Variants in CXorf58 observed in about 807,000 individuals in gnomAD.
CXorf58 encodes chromosome X open reading frame 58.
A neutral mutation model predicts 26.0 loss-of-function variants in CXorf58; 24 were observed. That is an observed-to-expected ratio of 0.92 (90% CI 0.67 to 1.30). The LOEUF (loss-of-function observed/expected upper bound fraction) is 1.30, where lower values mean the gene tolerates loss of function less well. Ranked by LOEUF, CXorf58 falls within the 50% of genes most tolerant of loss-of-function variation. The pLI is 0.00. For synonymous variants in CXorf58, 87 were observed against 86.1 expected (o/e 1.01, Z -0.06); for missense variants, 236 against 263.9 (o/e 0.89, Z 0.73).
intron 5 of CXorf58, among the ~76,000 whole-genome samples, chrX:23,923,292 C>A (rs1320683404): frequency 9.0e-6 from 1 of 110,770 alleles, no homozygotes; most frequent in Non-Finnish European, 1.9e-5. Flanking sequence ...ATGAGGCACA[C>A]AACTGAGGCA....
intron 5 of CXorf58, among the ~76,000 whole-genome samples, chrX:23,922,112 C>T (rs898223417): frequency 2.7e-5 from 3 of 110,935 alleles, no homozygotes; most frequent in Non-Finnish European, 5.7e-5. Flanking sequence ...CTGTGGCTCA[C>T]GCTTGTAATC....
intron 3 of CXorf58, among the ~76,000 whole-genome samples, chrX:23,915,046 A>C (rs908866860): frequency 1.8e-5 from 2 of 111,786 alleles, no homozygotes; most frequent in African/African-American, 6.5e-5. Context: ...AGGCAGGAGA[A>C]TCGCTTGAAC....
In CXorf58 at chrX:23,911,869, C is replaced by T. The variant is rs2147063822; in HGVS notation, c.216+13C>T. 2.7e-6 allele frequency: 3 copies of T among 1,106,976 alleles called. No homozygotes were observed. In the East Asian group the frequency reaches 9.1e-5, roughly 34 times the overall value. The allele number at this position is 1,106,976 out of a possible 1,213,427, so 91.2% of individuals were successfully genotyped here. A position where few individuals can be genotyped will look rare whatever the true frequency, so the allele number is the denominator to read the frequency against. On this transcript the variant is annotated intron_variant, in intron 3 of 8. Transcript: ENST00000379211. Reference sequence around the variant, plus strand: ...AATTTGTGCAGCGGTATGTATTTTGCTTATTTTTTTCTCTGAGGGATTTAA... The same window carrying T: ...AATTTGTGCAGCGGTATGTATTTTGTTTATTTTTTTCTCTGAGGGATTTAA...
intron 2 of CXorf58, among the ~76,000 whole-genome samples, chrX:23,911,411 C>T (rs968146157): frequency 5.4e-5 from 6 of 111,255 alleles, no homozygotes; most frequent in Admixed American, 3.8e-4. Context: ...CATTTTAGGT[C>T]GTGAATGTTT....
chrX:23,916,816 G>A (rs1367741084), intron 5 of CXorf58, among the ~76,000 whole-genome samples: 1 of 108,190 alleles, frequency 9.2e-6, no homozygotes, highest in Non-Finnish European at 1.9e-5. Context: ...CTTGAACCCA[G>A]GAGGTGGAGG....
intron 7 of CXorf58, among the ~76,000 whole-genome samples, chrX:23,937,154 G>A (rs1373009675): frequency 9.0e-6 from 1 of 111,663 alleles, no homozygotes; most frequent in Non-Finnish European, 1.9e-5. Flanking sequence ...GAAGGGAGAG[G>A]GTAAAAAAGT....
In CXorf58 at chrX:23,915,741, C is replaced by T. The variant is rs370987511; in HGVS notation, c.258C>T (p.Pro86=). The T allele has an allele frequency of 1.7e-6, 2 of 1,193,921 alleles. No homozygotes were observed. The highest frequency in any genetic ancestry group is 1.8e-5 in the African/African-American group (1 of 56,874). ...VTHEILKKVA[P]LEAKLIKDPT... is the part of the protein sequence containing the mutation. The stretch of plus-strand genomic sequence containing the variant: ...ATGAAATACTGAAGAAAGTGGCCCC[C>T]TTAGAGGCTAAGCTTATTAAGGATC... Residue 86 remains proline (P), a synonymous_variant, in exon 4 of 9, where the codon CCC becomes CCT. Transcript: ENST00000379211.
rs1222125644 is a variant in CXorf58, at chrX:23,935,347, A to G, written c.707A>G (p.Asn236Ser). 3 of 1,211,119 alleles carry G rather than the reference A, an allele frequency of 2.5e-6. No individual in the cohort carries two copies. Among genetic ancestry groups the G allele is most frequent in the Non-Finnish European group, 3.4e-6 (3 of 894,800 alleles). The change falls in exon 7 of 9, where the codon AAT becomes AGT. Residue 236 changes from asparagine (N) to serine (S), a missense_variant. Physicochemically the swap from Asn to Ser is conservative, Grantham distance 46. Coordinates refer to ENST00000379211, the MANE Select transcript of CXorf58 (RefSeq NM_152761.3). ...GGAGTGATCTCAAACCGTCTACGAA[A>G]TGAAATGAAGTTTCTGTTACAGAGA... Reference protein sequence around the residue: ...ESGVISNRLRNEMKFLLQRPV... With the variant: ...ESGVISNRLRSEMKFLLQRPV...
intron 5 of CXorf58, among the ~76,000 whole-genome samples, chrX:23,923,656 C>A (rs1231995478): frequency 2.0e-5 from 2 of 97,807 alleles, no homozygotes; most frequent in Non-Finnish European, 2.1e-5. Flanking sequence ...AAAAAAAAAA[C>A]CCTAAATAAA....
intron 2 of CXorf58, among the ~76,000 whole-genome samples, chrX:23,910,688 A>G (rs757115947): frequency 2.7e-5 from 3 of 110,781 alleles, no homozygotes; most frequent in South Asian, 3.8e-4. Context: ...TGGCTTGCAG[A>G]AAGTTATCAG....
At chrX:23,918,997 T>C (rs1476014062) in intron 5 of CXorf58, among the ~76,000 whole-genome samples, 1 of 112,347 alleles carries the variant, frequency 8.9e-6, no homozygotes, top group Non-Finnish European at 1.9e-5. Context: ...GATTTTAGGA[T>C]TCTTTCTTTA....
chrX:23,932,319 T>C (rs974879267), intron 6 of CXorf58, among the ~76,000 whole-genome samples: 1 of 112,209 alleles, frequency 8.9e-6, no homozygotes, highest in African/African-American at 3.2e-5. Flanking sequence ...TCCTCATTTA[T>C]GTTGATAAGT....
At chrX:23,920,387 C>T (rs1927833342) in intron 5 of CXorf58, among the ~76,000 whole-genome samples, 1 of 112,002 alleles carries the variant, frequency 8.9e-6, no homozygotes, top group South Asian at 3.7e-4. Flanking sequence ...CTGGCAAGAT[C>T]CCCCTTCTGG....
chrX:23,935,790 T>G (rs1187015483), intron 7 of CXorf58, among the ~76,000 whole-genome samples: 1 of 110,063 alleles, frequency 9.1e-6, no homozygotes, highest in African/African-American at 3.3e-5. Context: ...TTTTTTTTTT[T>G]GAGACGGAGT....
chrX:23,914,296 G>C (rs1485179595), intron 3 of CXorf58, among the ~76,000 whole-genome samples: 1 of 110,705 alleles, frequency 9.0e-6, no homozygotes, highest in Non-Finnish European at 1.9e-5. Context: ...ATGTTGACCA[G>C]GTTGGTCTCG....
intron 5 of CXorf58, among the ~76,000 whole-genome samples, chrX:23,926,794 C>T (rs551763875): frequency 1.8e-5 from 2 of 111,969 alleles, no homozygotes; most frequent in East Asian, 2.8e-4. Flanking sequence ...CCGAGGTGAG[C>T]GGATCACGAG....
chrX:23,932,131 C>T (rs1441372861), intron 6 of CXorf58, among the ~76,000 whole-genome samples: 1 of 112,269 alleles, frequency 8.9e-6, no homozygotes, highest in Non-Finnish European at 1.9e-5. Flanking sequence ...AACTTATAAG[C>T]ATCTTTTCTA....
intron 6 of CXorf58, among the ~76,000 whole-genome samples, chrX:23,929,937 C>T (rs1487152054): frequency 9.0e-6 from 1 of 111,259 alleles, no homozygotes; most frequent in East Asian, 2.8e-4. Flanking sequence ...GTGGCTCAGG[C>T]CTGTAATCCC....
Position 23,908,064 on chromosome X carries a change from AACTGTCTTTGCAGCGGCG to A in CXorf58, c.-281_-264del, listed in dbSNP as rs1234783588. The A allele has an allele frequency of 6.2e-6, 1 of 160,709 alleles. No individual in the cohort carries two copies. Among genetic ancestry groups the A allele is most frequent in the African/African-American group, 3.0e-5 (1 of 33,054 alleles). The allele number at this position is 160,709 out of a possible 1,213,427, so 13.2% of individuals were successfully genotyped here. A position where few individuals can be genotyped will look rare whatever the true frequency, so the allele number is the denominator to read the frequency against. ...GCCTGGCGTTGCCGCGGCGCTGGGA[AACTGTCTTTGCAGCGGCG>A]ACTGGGCGCCCAGCGGCGTGTACTG... On this transcript the variant is annotated 5_prime_UTR_variant, in exon 1 of 9. Coordinates refer to ENST00000379211, the MANE Select transcript of CXorf58 (RefSeq NM_152761.3).
Sources: allele counts gnomAD v4.1 joint callset (sites outside exome capture counted in the v4.1 genomes callset), GRCh38; gene constraint gnomAD v4.1.1; transcripts MANE v1.5; gene names NCBI Gene and HGNC (gene_info 2026-07-23, HGNC 2026-07-21).